TMEM182: variants seen among roughly 807,000 people sequenced by gnomAD.
TMEM182 encodes transmembrane protein 182.
Under a neutral mutation model 26.8 loss-of-function variants are expected in TMEM182, and 20 were observed. The observed-to-expected ratio is 0.75, with a 90% CI of 0.53 to 1.09. TMEM182 has a LOEUF of 1.09. Among genes scored for constraint, TMEM182 ranks in the 50% least tolerant of loss-of-function variants. The pLI, the probability that TMEM182 is intolerant of heterozygous loss-of-function variation, is 0.00. For missense variants in TMEM182, 277 were observed against 275.5 expected (o/e 1.01, Z -0.04); for synonymous variants, 109 against 102.2 (o/e 1.07, Z -0.40).
upstream of TMEM182, among the ~76,000 whole-genome samples, chr2:102,761,153 A>G (rs1447050109): frequency 2.0e-5 from 3 of 152,220 alleles, no homozygotes; most frequent in African/African-American, 4.8e-5. Flanking sequence ...AAATACTTAG[A>G]AAAATACTCT....
chr2:102,826,672 A>G (rs1683036799), intron 3 of TMEM182, among the ~76,000 whole-genome samples: 1 of 152,166 alleles, frequency 6.6e-6, no homozygotes, highest in East Asian at 1.9e-4. Flanking sequence ...GTCACTGGAT[A>G]CAGTTTCTTC....
chr2:102,796,952 T>C (rs1681893084), intron 3 of TMEM182, among the ~76,000 whole-genome samples: 2 of 152,254 alleles, frequency 1.3e-5, no homozygotes, highest in Admixed American at 1.3e-4. Flanking sequence ...TATGTTTCAC[T>C]GAGCGTTCCC....
chr2:102,839,477 T>C (rs1484496226), intron 3 of TMEM182, among the ~76,000 whole-genome samples: 1 of 126,020 alleles, frequency 7.9e-6, no homozygotes. Flanking sequence ...ATATAATATA[T>C]ACACACAAAA....
intron 3 of TMEM182, among the ~76,000 whole-genome samples, chr2:102,781,586 C>T (rs1443087637): frequency 1.3e-5 from 2 of 151,962 alleles, no homozygotes; most frequent in East Asian, 1.9e-4. Context: ...TCCATTGTTA[C>T]AAGGTCAGGG....
intron 3 of TMEM182, among the ~76,000 whole-genome samples, chr2:102,825,690 C>A (rs1045266298): frequency 4.6e-5 from 7 of 152,098 alleles, no homozygotes; most frequent in Non-Finnish European, 8.8e-5. Flanking sequence ...AAATGTGCTC[C>A]CTAAATTGCC....
intron 3 of TMEM182, among the ~76,000 whole-genome samples, chr2:102,829,083 T>A (rs926469847): frequency 1.3e-4 from 20 of 152,246 alleles, no homozygotes; most frequent in African/African-American, 4.8e-4. Flanking sequence ...TTTTAATGCA[T>A]CCTGATGAGC....
At chr2:102,822,641 A>G (rs1682947392), downstream of TMEM182, among the ~76,000 whole-genome samples, 1 of 152,318 alleles carries the variant, frequency 6.6e-6, no homozygotes, top group Non-Finnish European at 1.5e-5. Flanking sequence ...GAGCAGAACC[A>G]TGGAAATGGG....
At chr2:102,837,541 G>T (rs1329046263) in intron 3 of TMEM182, among the ~76,000 whole-genome samples, 3 of 122,026 alleles carry the variant, frequency 2.5e-5, no homozygotes, top group African/African-American at 9.3e-5. Flanking sequence ...GCTGTGGGGG[G>T]TTCGGGGGGT....
intron 4 of TMEM182, 51 bp downstream of exon 4, chr2:102,798,051 C>T (rs759910699): frequency 6.4e-7 from 1 of 1,557,996 alleles, no homozygotes; most frequent in East Asian, 2.3e-5. Flanking sequence ...TTCTTCATGT[C>T]TTTCTATTTT....
At chr2:102,765,196 A>G (rs1293430618) in intron 3 of TMEM182, among the ~76,000 whole-genome samples, 3 of 152,156 alleles carry the variant, frequency 2.0e-5, no homozygotes, top group African/African-American at 7.2e-5. Context: ...ACATACACAC[A>G]TAGAGAGTGA....
At chr2:102,750,099 A>AT (rs1368052883) in intron 1 of TMEM182, among the ~76,000 whole-genome samples, 2 of 152,006 alleles carry the variant, frequency 1.3e-5, no homozygotes, top group African/African-American at 2.4e-5. Flanking sequence ...AAAAAAAAGC[A>AT]TTTTTTTGCT....
At chr2:102,800,842 T>TGTGTGTG in intron 4 of TMEM182, among the ~76,000 whole-genome samples, 1 of 145,968 alleles carries the variant, frequency 6.9e-6, no homozygotes. Flanking sequence ...TGTGTGTGTG[T>TGTGTGTG]TTAGTAGCTT....
At chr2:102,786,995 A>T (rs77448262) in intron 3 of TMEM182, among the ~76,000 whole-genome samples, 1 of 152,242 alleles carries the variant, frequency 6.6e-6, no homozygotes, top group African/African-American at 2.4e-5. Context: ...ATTTTAGGGA[A>T]GGAAACTGAG....
chr2:102,739,681 T>G (rs1679490765), intron 1 of TMEM182, among the ~76,000 whole-genome samples: 2 of 152,198 alleles, frequency 1.3e-5, no homozygotes, highest in Non-Finnish European at 2.9e-5. Flanking sequence ...TTCTGAGGCC[T>G]GTCCAGAAGC....
At position 102,814,754 on chromosome 2, in the gene TMEM182, T is replaced by G. The variant is rs761530790; in HGVS notation, c.476T>G (p.Leu159Arg). Reference protein sequence around the residue: ...GGGSYIAAGILFSLVVMLYVI... With the variant: ...GGGSYIAAGIRFSLVVMLYVI... Reference sequence around the variant, plus strand: ...TCTGTTTCATCCTTCTCAGGCATCCTATTTTCATTGGTGGTGATGCTGTAT... The same window carrying G: ...TCTGTTTCATCCTTCTCAGGCATCCGATTTTCATTGGTGGTGATGCTGTAT... The change falls in exon 5 of 5, where the codon CTA (leucine) becomes CGA (arginine). Residue 159 changes from leucine (L) to arginine (R), a missense_variant. Transcript: ENST00000412401. 220 of 1,612,864 alleles carry G rather than the reference T, an allele frequency of 1.4e-4. No homozygotes were observed. Among genetic ancestry groups the G allele is most frequent in the Non-Finnish European group, 1.8e-4 (212 of 1,179,318 alleles).
At chr2:102,782,980 A>G (rs1345568280) in intron 3 of TMEM182, among the ~76,000 whole-genome samples, 1 of 152,212 alleles carries the variant, frequency 6.6e-6, no homozygotes, top group Admixed American at 6.5e-5. Context: ...GCCAAGGCCA[A>G]GGCTGTTATT....
chr2:102,832,262 T>C (rs537994896), intron 3 of TMEM182, among the ~76,000 whole-genome samples: 99 of 152,362 alleles, frequency 6.5e-4, no homozygotes, highest in Non-Finnish European at 1.2e-3. Context: ...CTCTAAATTC[T>C]TCCCCTTGAA....
At chr2:102,812,564 C>T (rs1682594492) in intron 4 of TMEM182, among the ~76,000 whole-genome samples, 1 of 152,132 alleles carries the variant, frequency 6.6e-6, no homozygotes, top group South Asian at 2.1e-4. Flanking sequence ...AATTTCCCTT[C>T]AAATAATGAC....
chr2:102,761,676 C>T (rs114074293), upstream of TMEM182, among the ~76,000 whole-genome samples: 1,688 of 152,270 alleles, frequency 0.011, 38 homozygotes, highest in African/African-American at 0.039. Flanking sequence ...TGTTCAAGAT[C>T]GGTCTTTGTG....
Sources: allele counts gnomAD v4.1 joint callset (sites outside exome capture counted in the v4.1 genomes callset), GRCh38; gene constraint gnomAD v4.1.1; transcripts MANE v1.5; gene names NCBI Gene and HGNC (gene_info 2026-07-23, HGNC 2026-07-21).